Variants in P2RX5 observed in about 807,000 individuals in gnomAD.
P2RX5 encodes P2X purinoceptor 5.
Under a neutral mutation model 54.1 loss-of-function variants are expected in P2RX5, and 46 were observed. That is an observed-to-expected ratio of 0.85 (90% CI 0.67 to 1.09). The LOEUF (loss-of-function observed/expected upper bound fraction) is 1.09. Among genes scored for constraint, P2RX5 ranks in the 50% least tolerant of loss-of-function variants. P2RX5 has a pLI of 0.00. For synonymous variants in P2RX5, 226 were observed against 226.4 expected (o/e 1.00, Z 0.02); for missense variants, 566 against 549.8 (o/e 1.03, Z -0.29).
chr17:3,717,194 A>G, the P2RX5 span: 151 of 163,898 alleles, frequency 9.2e-4, 1 homozygote, highest in African/African-American at 3.6e-3. Context: ...TAAAATGATG[A>G]CTTCCTTTAA....
At chr17:3,692,758 C>G (rs1257169960) in intron 1 of P2RX5, among the ~76,000 whole-genome samples, 1 of 152,110 alleles carries the variant, frequency 6.6e-6, no homozygotes, top group African/African-American at 2.4e-5. Flanking sequence ...GGGAGGATCC[C>G]TCGAGCCTGG....
At chr17:3,710,092 T>C in the P2RX5 span, among the ~76,000 whole-genome samples, 1 of 151,898 alleles carries the variant, frequency 6.6e-6, no homozygotes, top group East Asian at 1.9e-4. Flanking sequence ...TGTAAATGTA[T>C]TAGAGATGTG....
intron 11 of P2RX5, among the ~76,000 whole-genome samples, chr17:3,678,438 C>T (rs1341280363): frequency 2.6e-5 from 4 of 152,252 alleles, no homozygotes; most frequent in African/African-American, 7.2e-5. Context: ...GCCAGGCCGT[C>T]GGGCTTCCCG....
chr17:3,675,615 G>T, intron 11 of P2RX5: 1 of 946,138 alleles, frequency 1.1e-6, no homozygotes, highest in Non-Finnish European at 1.3e-6. Flanking sequence ...GCAGTGGTAT[G>T]ATCTCAGCTC....
chr17:3,678,092 T>C lies in P2RX5; in HGVS notation c.1259+1498A>G, dbSNP rs1359036165. 3 of 985,334 alleles carry C rather than the reference T, an allele frequency of 3.0e-6. No individual in the cohort carries two copies. In the East Asian group the frequency reaches 3.4e-4, roughly 112 times the overall value. The allele number at this position is 985,334 out of a possible 1,614,324, so 61.0% of individuals were successfully genotyped here. The stretch of plus-strand genomic sequence containing the variant: ...CAGCCCTGGCTACATCTCCACTGTC[T>C]GCAGCTGCTCCAAATTCACCTGTGC... On this transcript the variant is annotated intron_variant, in intron 11 of 11. Coordinates refer to ENST00000225328, the MANE Select transcript of P2RX5 (RefSeq NM_002561.4).
At chr17:3,689,830 T>TCA (rs747995764) in intron 6 of P2RX5, among the ~76,000 whole-genome samples, 200 bp from the exon 7 acceptor site, 1 of 151,946 alleles carries the variant, frequency 6.6e-6, no homozygotes, top group Non-Finnish European at 1.5e-5. Flanking sequence ...CATGCAGACA[T>TCA]CACACACACA....
At position 3,691,711 on chromosome 17, in the gene P2RX5, G is replaced by C. The variant is rs144771900; in HGVS notation, c.221C>G (p.Ala74Gly). 5 of 1,614,248 alleles carry C rather than the reference G, an allele frequency of 3.1e-6. No individual in the cohort carries two copies. Among genetic ancestry groups the C allele is most frequent in the Non-Finnish European group, 4.2e-6 (5 of 1,180,044 alleles). Residue 74 changes from alanine to glycine, a missense_variant, in exon 2 of 12, where the codon GCC becomes GGC. By Grantham distance (60) the Ala-to-Gly change is moderately conservative (BLOSUM62 0). Transcript: ENST00000225328. ...SAVITKVKGV[A>G]FTNTSDLGQR... ...CCCAAGATCCGAGGTGTTGGTGAAG[G>C]CCACGCCCTTGACTTTGGTGATGAC...
In P2RX5 at chr17:3,676,078, C is replaced by T. The variant is rs907180840; in HGVS notation, c.1260-2201G>A. 3.9e-5 allele frequency: 38 copies of T among 985,448 alleles called. 3 individuals are homozygous for T. The East Asian group carries it at 4.5e-4, about 12-fold the overall frequency. 61.0% of individuals were successfully genotyped at this position (985,448 alleles called of 1,614,324 possible). On this transcript the variant is annotated intron_variant, in intron 11 of 11. Transcript: ENST00000225328. ...TCCAAAGAGGATGCTTCCAGGGAGC[C>T]GCCCAGACAGCACTGGGACTGGTTG...
Position 3,679,674 on chromosome 17 carries a change from A to G in P2RX5, c.1175T>C (p.Leu392Pro), listed in dbSNP as rs1461096858. 6.2e-7 allele frequency: 1 copy of G among 1,611,634 alleles called. No homozygotes were observed. Among genetic ancestry groups the G allele is most frequent in the Admixed American group, 1.7e-5 (1 of 59,978 alleles). Residue 392 changes from leucine to proline, a missense_variant, in exon 11 of 12, where the codon CTG (leucine) becomes CCG (proline). Physicochemically the swap from Leu to Pro is moderately conservative, Grantham distance 98. Transcript: ENST00000225328. ...ACGCTTCGCCTCGGGTGGCTCCTGCAGCTCCTGCTGCTCCGGCATCCCCAG... is the reference window on the plus strand; with the variant it reads ...ACGCTTCGCCTCGGGTGGCTCCTGCGGCTCCTGCTGCTCCGGCATCCCCAG... The part of the protein sequence containing the change: ...GLLGMPEQQE[L>P]QEPPEAKRGS...
upstream of P2RX5, among the ~76,000 whole-genome samples, chr17:3,696,624 G>C (rs2050764340): frequency 1.3e-5 from 2 of 151,912 alleles, no homozygotes; most frequent in African/African-American, 2.4e-5. Flanking sequence ...ATTTTTAGTA[G>C]AGACGGGGTT....
rs2142997491 is a variant in P2RX5, at chr17:3,681,916, G to C, written c.1044C>G (p.Asp348Glu). Reference protein sequence around the residue: ...YLIKKREFYRDKKYEEVRGLE... With the variant: ...YLIKKREFYREKKYEEVRGLE... Reference sequence around the variant, plus strand: ...CTGACCTCACTTCCTCGTACTTCTTGTCACGGTAAAACTCTCTCTTTTTGA... The same window carrying C: ...CTGACCTCACTTCCTCGTACTTCTTCTCACGGTAAAACTCTCTCTTTTTGA... The change falls in exon 10 of 12, where the codon GAC becomes GAG. Residue 348 changes from aspartate (D) to glutamate (E), a missense_variant. Coordinates refer to ENST00000225328, the MANE Select transcript of P2RX5 (RefSeq NM_002561.4). 6.2e-7 allele frequency: 1 copy of C among 1,613,494 alleles called. No homozygotes were observed. The highest frequency in any genetic ancestry group is 2.2e-5 in the East Asian group (1 of 44,890).
the P2RX5 span, among the ~76,000 whole-genome samples, chr17:3,702,206 A>G: frequency 6.6e-6 from 1 of 152,020 alleles, no homozygotes; most frequent in Non-Finnish European, 1.5e-5. Context: ...ACCAATCAGC[A>G]CTGTGTAAAA....
chr17:3,680,270 A>T (rs1447855380), intron 10 of P2RX5, among the ~76,000 whole-genome samples: 23 of 44,530 alleles, frequency 5.2e-4, no homozygotes, highest in Admixed American at 9.8e-4. Flanking sequence ...TCCTCCACCC[A>T]GTGTCCTCCA....
the P2RX5 span, among the ~76,000 whole-genome samples, chr17:3,703,156 T>A: frequency 1.3e-5 from 2 of 152,110 alleles, no homozygotes; most frequent in Non-Finnish European, 1.5e-5. Flanking sequence ...GAATGTATGG[T>A]GCAATGGGCT....
At chr17:3,719,759 A>G in the P2RX5 span, among the ~76,000 whole-genome samples, 20,773 of 152,104 alleles carry the variant, frequency 0.14, 4,740 homozygotes, top group African/African-American at 0.47. Flanking sequence ...ACTGAGTCTC[A>G]CTCTATCACT....
chr17:3,710,015 A>G, the P2RX5 span, among the ~76,000 whole-genome samples: 13 of 152,340 alleles, frequency 8.5e-5, no homozygotes, highest in African/African-American at 3.1e-4. Flanking sequence ...TAATGGTAAA[A>G]TTCTGGTGCC....
upstream of P2RX5, among the ~76,000 whole-genome samples, chr17:3,699,074 C>T (rs1292889332): frequency 9.6e-6 from 1 of 104,596 alleles, no homozygotes; most frequent in Admixed American, 1.2e-4. Flanking sequence ...CACACACACA[C>T]ACACACACAC....
upstream of P2RX5, among the ~76,000 whole-genome samples, chr17:3,697,529 G>A (rs1468227699): frequency 3.3e-5 from 5 of 152,222 alleles, no homozygotes; most frequent in African/African-American, 1.2e-4. Context: ...CCACAGACTC[G>A]GGGAACTGGA....
chr17:3,684,320 T>C (rs923510691), intron 9 of P2RX5, among the ~76,000 whole-genome samples: 3 of 152,236 alleles, frequency 2.0e-5, no homozygotes, highest in Admixed American at 1.3e-4. Context: ...CATCCTACAA[T>C]GGGCTGGGCG....
Sources: gnomAD v4.1 joint callset for allele counts (sites outside exome capture counted in the v4.1 genomes callset) on GRCh38, gnomAD v4.1.1 for gene constraint, MANE v1.5 for transcripts, NCBI Gene and HGNC (gene_info 2026-07-23, HGNC 2026-07-21) for gene names.